The following SHOC1 variants were observed in gnomAD, a reference collection of about 807,000 sequenced individuals.
The protein encoded by SHOC1 is shortage in chiasmata 1, also known as protein shortage in chiasmata 1 ortholog.
SHOC1 carries 136 observed loss-of-function variants against 179.2 expected under a neutral mutation model. The ratio of observed to expected loss-of-function variants is 0.76; its 90% CI spans 0.66 to 0.87. The LOEUF is 0.87. SHOC1 is among the 40% of genes least tolerant of loss of function. The pLI is 0.00. For missense variants in SHOC1, 1,538 were observed against 1,700.8 expected, an observed-to-expected ratio of 0.90 and a Z score of 1.68; for synonymous variants, 489 against 586.6, an observed-to-expected ratio of 0.83 and a Z score of 2.41.
intron 27 of SHOC1, among the ~76,000 whole-genome samples, chr9:111,691,002 A>C (rs1225515760): frequency 6.6e-6 from 1 of 152,232 alleles, no homozygotes; most frequent in Non-Finnish European, 1.5e-5. Flanking sequence ...CACTGAAAGA[A>C]AAGCTAGAAT....
chr9:111,786,075 A>G (rs912610092), intron 2 of SHOC1, 40 bp from the exon 3 acceptor site: 1 of 1,325,716 alleles, frequency 7.5e-7, no homozygotes, highest in Non-Finnish European at 1.0e-6. Context: ...TTTAACATGT[A>G]CTATTTATCA....
intron 19 of SHOC1, 115 bp from the exon 20 acceptor site, chr9:111,706,861 C>T (rs943810742): frequency 3.0e-5 from 18 of 596,150 alleles, no homozygotes; most frequent in Middle Eastern, 4.3e-4. Flanking sequence ...TATGCCTCAT[C>T]TTAGAAAGGC....
chr9:111,707,254 A>C (rs1407391), intron 19 of SHOC1, among the ~76,000 whole-genome samples: 8,368 of 152,128 alleles, frequency 0.055, 566 homozygotes, highest in African/African-American at 0.16. Flanking sequence ...TTCAAATCTC[A>C]TAAAACATAC....
At chr9:111,766,598 GT>G (rs201290479) in intron 5 of SHOC1, among the ~76,000 whole-genome samples, 3 of 150,362 alleles carry the variant, frequency 2.0e-5, no homozygotes, top group African/African-American at 4.9e-5. Context: ...ATTTCATTGT[GT>G]TTTTTTTTGT....
intron 12 of SHOC1, among the ~76,000 whole-genome samples, chr9:111,729,021 C>A (rs1192248507): frequency 1.3e-5 from 2 of 152,164 alleles, no homozygotes; most frequent in Non-Finnish European, 2.9e-5. Context: ...CAAGTACATA[C>A]TTTAATTTTA....
intron 16 of SHOC1, 109 bp from the exon 17 acceptor site, chr9:111,714,732 C>G (rs909786516): frequency 5.2e-6 from 5 of 968,222 alleles, no homozygotes; most frequent in Middle Eastern, 2.4e-4. Flanking sequence ...GTTAAAATTT[C>G]CTTTAATTGT....
chr9:111,780,806 C>T lies in SHOC1; in HGVS notation c.257+124G>A, dbSNP rs182602767. 2,206 of 612,298 alleles carry T rather than the reference C, an allele frequency of 3.6e-3. 6 individuals are homozygous for T. Among genetic ancestry groups the T allele is most frequent in the Middle Eastern group, 4.7e-3 (16 of 3,378 alleles). The allele number at this position is 612,298 out of a possible 1,614,324, so 37.9% of individuals were successfully genotyped here. A position where few individuals can be genotyped will look rare whatever the true frequency, so the allele number is the denominator to read the frequency against. On this transcript the variant is annotated intron_variant, in intron 4 of 27. Coordinates refer to ENST00000682961, the MANE Select transcript of SHOC1 (RefSeq NM_001378211.1). ...GTGGTTCAAATTAGGACCTTTTCTTCAGATAAAAGAAGAAAATCCATGAAG... is the reference window on the plus strand; with the variant it reads ...GTGGTTCAAATTAGGACCTTTTCTTTAGATAAAAGAAGAAAATCCATGAAG...
At chr9:111,726,706 C>T (rs1833306243) in intron 13 of SHOC1, among the ~76,000 whole-genome samples, 2 of 152,150 alleles carry the variant, frequency 1.3e-5, no homozygotes, top group Admixed American at 6.5e-5. Context: ...CTCTAAGTCA[C>T]ATAAATATTT....
intron 27 of SHOC1, among the ~76,000 whole-genome samples, chr9:111,689,164 T>C (rs1831311276): frequency 6.6e-6 from 1 of 151,752 alleles, no homozygotes; most frequent in Admixed American, 6.6e-5. Flanking sequence ...GGCAGGCGGA[T>C]TGCTTGAGCC....
chr9:111,791,473 A>C lies in SHOC1; in HGVS notation c.-36-19T>G. 1 of 1,194,304 alleles carries C rather than the reference A, an allele frequency of 8.4e-7. No individual in the cohort carries two copies. The highest frequency in any genetic ancestry group is 1.9e-5 in the South Asian group (1 of 52,202). The allele number at this position is 1,194,304 out of a possible 1,614,324, so 74.0% of individuals were successfully genotyped here. A position where few individuals can be genotyped will look rare whatever the true frequency, so the allele number is the denominator to read the frequency against. On this transcript the variant is annotated intron_variant, in intron 1 of 27. Transcript: ENST00000682961. ...TCAACATCTGGAAATACAAAAATTAAAATTAAACACTGGTAAAATAGCAAG... is the reference window on the plus strand; with the variant it reads ...TCAACATCTGGAAATACAAAAATTACAATTAAACACTGGTAAAATAGCAAG...
chr9:111,693,805 C>T lies in SHOC1; in HGVS notation c.3459G>A (p.Val1153=). 6.2e-7 allele frequency: 1 copy of T among 1,604,964 alleles called. No homozygotes were observed. Among genetic ancestry groups the T allele is most frequent in the South Asian group, 1.1e-5 (1 of 89,800 alleles). ...QELLPEVPEK[V]LKHFCSITSL... The stretch of plus-strand genomic sequence containing the variant: ...CAGATCTCAAATAACTAACCTTTAA[C>T]ACTTTTTCTGGGACTTCAGGTAGGA... Residue 1153 remains valine (V), a synonymous_variant, in exon 26 of 28, where the codon GTG becomes GTA. Transcript: ENST00000682961.
intron 27 of SHOC1, among the ~76,000 whole-genome samples, chr9:111,689,537 T>C (rs1831333827): frequency 6.6e-6 from 1 of 151,720 alleles, no homozygotes; most frequent in South Asian, 2.1e-4. Flanking sequence ...GCTGTGCCAA[T>C]ATTAATTCAA....
chr9:111,727,692 C>T lies in SHOC1; in HGVS notation c.1775G>A (p.Arg592Gln), dbSNP rs1287653180. Residue 592 changes from arginine (R) to glutamine (Q), a missense_variant, in exon 13 of 28, where the codon CGA (arginine) becomes CAA (glutamine). Transcript: ENST00000682961. ...LDLLSDFIML[R>Q]NKYKTCTSKT... ...TGAGGTGCAAGTCTTATATTTATTT[C>T]GCAGCATAATAAAGTCGCTCAAAAG... 11 of 1,606,844 alleles carry T rather than the reference C, an allele frequency of 6.8e-6. No individual in the cohort carries two copies. Among genetic ancestry groups the T allele is most frequent in the South Asian group, 2.2e-5 (2 of 89,082 alleles).
At chr9:111,694,078 A>G in intron 25 of SHOC1, 130 bp from the exon 26 acceptor site, 1 of 1,078,564 alleles carries the variant, frequency 9.3e-7, no homozygotes, top group Non-Finnish European at 1.3e-6. Flanking sequence ...GATCCATTTT[A>G]TTCTACTCGT....
At position 111,758,737 on chromosome 9, in the gene SHOC1, A is replaced by G. The variant is rs1370828665; in HGVS notation, c.554T>C (p.Leu185Ser). The change falls in exon 6 of 28, where the codon TTA becomes TCA. Residue 185 changes from leucine to serine, a missense_variant. Leu to Ser is a moderately radical substitution (Grantham distance 145). Coordinates refer to ENST00000682961, the MANE Select transcript of SHOC1 (RefSeq NM_001378211.1). ...LKLFLVKDPLLDFKGQIFTEA... is the reference protein window; with the variant it reads ...LKLFLVKDPLSDFKGQIFTEA... Reference sequence around the variant, plus strand: ...TGTGAAGATCTGTCCTTTGAAATCTAAAAGAGGATCCTTTACCAAAAACAG... The same window carrying G: ...TGTGAAGATCTGTCCTTTGAAATCTGAAAGAGGATCCTTTACCAAAAACAG... The G allele has an allele frequency of 6.2e-7, 1 of 1,600,028 alleles. No individual in the cohort carries two copies. Among genetic ancestry groups the G allele is most frequent in the African/African-American group, 1.3e-5 (1 of 74,130 alleles).
intron 1 of SHOC1, among the ~76,000 whole-genome samples, 185 bp downstream of exon 1, chr9:111,794,715 T>A (rs1333525502): frequency 3.3e-5 from 5 of 152,206 alleles, no homozygotes; most frequent in African/African-American, 9.7e-5. Context: ...ACACCTTCTA[T>A]TCTCAGGTTA....
intron 23 of SHOC1, among the ~76,000 whole-genome samples, chr9:111,701,649 C>T (rs1831974532): frequency 6.6e-6 from 1 of 151,890 alleles, no homozygotes; most frequent in East Asian, 1.9e-4. Context: ...AGGTTTTAGA[C>T]CGGAAATATT....
At chr9:111,757,718 A>G (rs192367406) in intron 7 of SHOC1, among the ~76,000 whole-genome samples, 1 of 152,334 alleles carries the variant, frequency 6.6e-6, no homozygotes, top group East Asian at 1.9e-4. Context: ...TCACAAATCA[A>G]TATTTCTAGT....
In SHOC1 at chr9:111,706,639, G is replaced by A. The variant is rs1183053336; in HGVS notation, c.2666C>T (p.Thr889Ile). 6.2e-7 allele frequency: 1 copy of A among 1,608,844 alleles called. No individual in the cohort carries two copies. ...AATATTCAACTCTTTGCAGTGTTTA[G>A]TCCAACAAGAGTCTTCCACATAATT... Reference protein sequence around the residue: ...EYNYVEDSCWTKHCKELNIPY... With the variant: ...EYNYVEDSCWIKHCKELNIPY... The change falls in exon 20 of 28, where the codon ACT (threonine) becomes ATT (isoleucine). Residue 889 changes from threonine (T) to isoleucine (I), a missense_variant. Physicochemically the swap from Thr to Ile is moderately conservative, Grantham distance 89. Transcript: ENST00000682961.
Sources: allele counts gnomAD v4.1 joint callset (sites outside exome capture counted in the v4.1 genomes callset), GRCh38; gene constraint gnomAD v4.1.1; transcripts MANE v1.5; gene names NCBI Gene and HGNC (gene_info 2026-07-23, HGNC 2026-07-21).